The following TUBGCP6 variants were observed in gnomAD, a reference collection of about 807,000 sequenced individuals.
The protein encoded by TUBGCP6 is tubulin gamma complex component 6, also known as gamma-tubulin complex component 6.
TUBGCP6 carries 161 observed loss-of-function variants against 175.8 expected under a neutral mutation model. The observed-to-expected ratio is 0.92, with a 90% confidence interval of 0.81 to 1.04. The LOEUF is 1.04. Ranked by LOEUF, TUBGCP6 falls within the 50% of genes least tolerant of loss-of-function variation. The pLI, the probability that TUBGCP6 is intolerant of heterozygous loss-of-function variation, is 0.00. For missense variants in TUBGCP6, 2,572 were observed against 2,433.0 expected (o/e 1.06, Z -1.20); for synonymous variants, 1,173 against 1,030.5 (o/e 1.14, Z -2.65).
chr22:50,221,013 T>A lies in TUBGCP6; in HGVS notation c.3346A>T (p.Arg1116Trp). 1 of 1,611,460 alleles carries A rather than the reference T, an allele frequency of 6.2e-7. No homozygotes were observed. Residue 1116 changes from arginine to tryptophan, a missense_variant, in exon 16 of 25, where the codon AGG (arginine) becomes TGG (tryptophan). By Grantham distance (101) the Arg-to-Trp change is moderately radical (BLOSUM62 -3). Coordinates refer to ENST00000248846, the MANE Select transcript of TUBGCP6 (RefSeq NM_020461.4). Reference protein sequence around the residue: ...IHGHVSNASIRVGENVSDVAP... With the variant: ...IHGHVSNASIWVGENVSDVAP... The stretch of plus-strand genomic sequence containing the variant: ...ACATCTGACACATTCTCCCCGACCC[T>A]GATGCTGGCGTTGGACACATGTCCA...
rs776533464 is a variant in TUBGCP6, at chr22:50,220,709, T to C, written c.3650A>G (p.His1217Arg). 6 of 1,607,658 alleles carry C rather than the reference T, an allele frequency of 3.7e-6. No homozygotes were observed. Among genetic ancestry groups the C allele is most frequent in the South Asian group, 3.3e-5 (3 of 90,832 alleles). Residue 1217 changes from histidine (H) to arginine (R), a missense_variant, in exon 16 of 25, where the codon CAT becomes CGT. His to Arg is a conservative substitution (Grantham distance 29). Transcript: ENST00000248846. ...PTRPRWNTHG[H>R]VSDTSIRVGE... ...AACCCTGATGCTGGTGTCAGACACA[T>C]GTCCGTGGGTGTTCCACCGTGGCCG...
intron 1 of TUBGCP6, among the ~76,000 whole-genome samples, chr22:50,242,228 C>G (rs1227584914): frequency 6.6e-6 from 1 of 151,774 alleles, no homozygotes; most frequent in African/African-American, 2.4e-5. Context: ...GGAGGCAGAG[C>G]TTGCAGTGAG....
At chr22:50,222,143 C>A in intron 14 of TUBGCP6, 41 bp from the exon 15 acceptor site, 1 of 1,595,356 alleles carries the variant, frequency 6.3e-7, no homozygotes, top group Non-Finnish European at 8.6e-7. Flanking sequence ...AAGCCGGAGT[C>A]AAGCACAGCC....
chr22:50,239,696 C>G (rs568762805), intron 2 of TUBGCP6, among the ~76,000 whole-genome samples: 3 of 152,328 alleles, frequency 2.0e-5, no homozygotes, highest in Non-Finnish European at 4.4e-5. Flanking sequence ...CCTCCAGACA[C>G]GGACGGAAAA....
intron 2 of TUBGCP6, among the ~76,000 whole-genome samples, chr22:50,234,299 C>A (rs2064733778): frequency 9.2e-6 from 1 of 108,756 alleles, no homozygotes; most frequent in South Asian, 3.3e-4. Flanking sequence ...CACCCACACC[C>A]ACCCATGGCA....
chr22:50,226,865 G>T (rs2064619317), intron 6 of TUBGCP6, 23 bp from the exon 7 acceptor site: 2 of 1,565,234 alleles, frequency 1.3e-6, no homozygotes. Context: ...AAGGGGGTGG[G>T]GGGCAGCTCA....
rs373901617 is a variant in TUBGCP6, at chr22:50,219,093, G to A, written c.4601C>T (p.Ser1534Phe). The A allele has an allele frequency of 1.9e-6, 3 of 1,612,758 alleles. No individual in the cohort carries two copies. Among genetic ancestry groups the A allele is most frequent in the East Asian group, 2.2e-5 (1 of 44,886 alleles). Residue 1534 changes from serine to phenylalanine, a missense_variant, in exon 20 of 25, where the codon TCC (serine) becomes TTC (phenylalanine). By Grantham distance (155) the Ser-to-Phe change is radical. Transcript: ENST00000248846. Reference sequence around the variant, plus strand: ...CTTCTCAAAGAGCAGGTCGCTGAGGGACTGGGCGAACTCGCCGTCCTCCAT... The same window carrying A: ...CTTCTCAAAGAGCAGGTCGCTGAGGAACTGGGCGAACTCGCCGTCCTCCAT... ...LLMEDGEFAQ[S>F]LSDLLFEKLG...
At chr22:50,237,911 G>T (rs76463206) in intron 2 of TUBGCP6, among the ~76,000 whole-genome samples, 3,656 of 152,148 alleles carry the variant, frequency 0.024, 93 homozygotes, top group East Asian at 0.12. Context: ...TCACCTGACG[G>T]TGGGAGTTCA....
chr22:50,218,551 G>C lies in TUBGCP6; in HGVS notation c.4891C>G (p.Leu1631Val). 1 of 1,613,804 alleles carries C rather than the reference G, an allele frequency of 6.2e-7. No homozygotes were observed. The highest frequency in any genetic ancestry group is 1.1e-5 in the South Asian group (1 of 91,082). ...VSKYSGVFSF[L>V]LQLKLMMWAL... Reference sequence around the variant, plus strand: ...CACATCATGAGCTTCAGCTGCAGCAGGAAGGAGAAGACGCCGCTGTACTTG... The same window carrying C: ...CACATCATGAGCTTCAGCTGCAGCACGAAGGAGAAGACGCCGCTGTACTTG... Residue 1631 changes from leucine (L) to valine (V), a missense_variant, in exon 22 of 25, where the codon CTG becomes GTG. Coordinates refer to ENST00000248846, the MANE Select transcript of TUBGCP6 (RefSeq NM_020461.4).
At chr22:50,233,231 G>A in intron 3 of TUBGCP6, 85 bp downstream of exon 3, 1 of 1,479,980 alleles carries the variant, frequency 6.8e-7, no homozygotes, top group African/African-American at 1.4e-5. Context: ...ACTGGGGCTT[G>A]TTCTGCCCCA....
chr22:50,240,598 G>C (rs2064827540), intron 1 of TUBGCP6, among the ~76,000 whole-genome samples: 1 of 152,216 alleles, frequency 6.6e-6, no homozygotes, highest in Non-Finnish European at 1.5e-5. Context: ...ATAAGCCTCA[G>C]TGGAACTTAG....
rs139551127 is a variant in TUBGCP6 at position 50,220,553 on chromosome 22, T to C, written c.3806A>G (p.His1269Arg). 62 of 1,613,466 alleles carry C rather than the reference T, an allele frequency of 3.8e-5. No individual in the cohort carries two copies. Among genetic ancestry groups the C allele is most frequent in the Non-Finnish European group, 5.0e-5 (59 of 1,180,014 alleles). Reference protein sequence around the residue: ...VVSTRPRWNTHVPIPPPHMVL... With the variant: ...VVSTRPRWNTRVPIPPPHMVL... ...CATGTGGGGCGGAGGGATGGGTACA[T>C]GGGTGTTCCACCGTGGCCGGGTGGA... The change falls in exon 16 of 25, where the codon CAT (histidine) becomes CGT (arginine). Residue 1269 changes from histidine (H) to arginine (R), a missense_variant. Coordinates refer to ENST00000248846, the MANE Select transcript of TUBGCP6 (RefSeq NM_020461.4).
intron 10 of TUBGCP6, 81 bp from the exon 11 acceptor site, chr22:50,224,673 G>A (rs776900688): frequency 2.4e-5 from 33 of 1,361,470 alleles, no homozygotes; most frequent in Middle Eastern, 2.4e-4. Context: ...TTGGGAGGCC[G>A]AGGTGGGTAG....
chr22:50,221,212 C>T lies in TUBGCP6; in HGVS notation c.3147G>A (p.Arg1049=). 1 of 1,614,178 alleles carries T rather than the reference C, an allele frequency of 6.2e-7. No individual in the cohort carries two copies. Among genetic ancestry groups the T allele is most frequent in the Non-Finnish European group, 8.5e-7 (1 of 1,180,032 alleles). Residue 1049 remains arginine (R), a synonymous_variant, in exon 16 of 25, where the codon CGG becomes CGA. Transcript: ENST00000248846. The part of the protein sequence containing the change: ...YASEIAPTRP[R]WNTHGHVSDA... The stretch of plus-strand genomic sequence containing the variant: ...CAGACACGTGCCCGTGGGTGTTCCA[C>T]CGTGGCCGGGTGGGAGCTATTTCAG...
Position 50,221,070 on chromosome 22 carries a change from C to T in TUBGCP6, c.3289G>A (p.Val1097Met), listed in dbSNP as rs561886849. Residue 1097 changes from valine (V) to methionine (M), a missense_variant, in exon 16 of 25, where the codon GTG (valine) becomes ATG (methionine). Coordinates refer to ENST00000248846, the MANE Select transcript of TUBGCP6 (RefSeq NM_020461.4). ...SISLGESVSD[V>M]APTRPRWNIH... is the part of the protein sequence containing the mutation. ...TTCCACCGTGGCCGAGTGGGAGCCA[C>T]ATCTGACACAGACTCCCCTAAGCTG... The T allele has an allele frequency of 1.3e-4, 206 of 1,607,290 alleles. No individual in the cohort carries two copies. The South Asian group carries it at 2.0e-3, about 15-fold the overall frequency.
chr22:50,219,575 A>G, intron 18 of TUBGCP6, 69 bp downstream of exon 18: 1 of 1,595,486 alleles, frequency 6.3e-7, no homozygotes, highest in Non-Finnish European at 8.6e-7. Flanking sequence ...CCCAACCCAC[A>G]GGAGGTGGAG....
At position 50,227,981 on chromosome 22, in the gene TUBGCP6, G is replaced by A. The variant is rs773407421; in HGVS notation, c.1338C>T (p.Cys446=). The change falls in exon 5 of 25, where the codon TGC becomes TGT. Residue 446 remains cysteine (C), a synonymous_variant. Coordinates refer to ENST00000248846, the MANE Select transcript of TUBGCP6 (RefSeq NM_020461.4). ...TCAGGGTGGGCGGAGTGGAAAGGAC[G>A]CAGGCCCGGTAATACTGCAGGTACC... ...LRRYLQYYRA[C]VLSTPPTLSL... 21 of 1,571,196 alleles carry A rather than the reference G, an allele frequency of 1.3e-5. No individual in the cohort carries two copies. Among genetic ancestry groups the A allele is most frequent in the South Asian group, 4.7e-5 (4 of 85,438 alleles).
In TUBGCP6 at chr22:50,243,906, G is replaced by A. The variant is rs1184743226; in HGVS notation, c.554C>T (p.Ala185Val). ...IQETLQVMEAAPGTGLPTVGL... is the reference protein window; with the variant it reads ...IQETLQVMEAVPGTGLPTVGL... ...GACGGTGGGCAGGCCAGTGCCTGGA[G>A]CAGCCTCCATAACCTGAAGTGTTTC... Residue 185 changes from alanine (A) to valine (V), a missense_variant, in exon 1 of 25, where the codon GCT (alanine) becomes GTT (valine). Transcript: ENST00000248846. 1.2e-6 allele frequency: 2 copies of A among 1,613,990 alleles called. No homozygotes were observed. The highest frequency in any genetic ancestry group is 4.5e-5 in the East Asian group (2 of 44,884).
chr22:50,221,566 G>A lies in TUBGCP6; in HGVS notation c.2793C>T (p.Pro931=), dbSNP rs549917142. ...CTGCGGGTGCCTCCCCAGGAGCTGA[G>A]GGGGGCAGGTCCAAGTTAATGGTCT... ...ALQTINLDLP[P]SAPGEAPAAA... The change falls in exon 16 of 25, where the codon CCC becomes CCT. Residue 931 remains proline, a synonymous_variant. Coordinates refer to ENST00000248846, the MANE Select transcript of TUBGCP6 (RefSeq NM_020461.4). 14 of 1,587,856 alleles carry A rather than the reference G, an allele frequency of 8.8e-6. No individual in the cohort carries two copies. In the African/African-American group the frequency reaches 9.4e-5, roughly 11 times the overall value.
Sources: gnomAD v4.1 joint callset for allele counts (sites outside exome capture counted in the v4.1 genomes callset) on GRCh38, gnomAD v4.1.1 for gene constraint, MANE v1.5 for transcripts, NCBI Gene and HGNC (gene_info 2026-07-23, HGNC 2026-07-21) for gene names.